TRPC4: variants seen among roughly 807,000 people sequenced by gnomAD.
The protein encoded by TRPC4 is transient receptor potential cation channel subfamily C member 4, also known as short transient receptor potential channel 4.
Under a neutral mutation model 99.4 loss-of-function variants are expected in TRPC4, and 49 were observed. The observed-to-expected ratio is 0.49, with a 90% confidence interval of 0.39 to 0.63. The LOEUF (loss-of-function observed/expected upper bound fraction) is 0.63. TRPC4 is among the 20% of genes least tolerant of loss of function. The pLI is 0.00. For missense variants in TRPC4, 898 were observed against 1,152.9 expected (o/e 0.78, Z 3.20); for synonymous variants, 454 against 425.9 (o/e 1.07, Z -0.81).
chr13:37,743,706 CT>C lies in TRPC4; in HGVS notation c.897+2230del, dbSNP rs1955659971. ...ATGCATGACCAAAGTGTATTAATTA[CT>C]TTGCAGGTAAAAATATAAATATAAA... On this transcript the variant is annotated intron_variant, in intron 3 of 10. Transcript: ENST00000379705. Among the ~76,000 whole-genome samples the C allele has an allele frequency of 5.3e-5, 8 of 152,222 alleles. No homozygotes were observed. The South Asian group carries it at 1.4e-3, about 28-fold the overall frequency.
At chr13:37,664,577 A>G (rs555479457) in intron 5 of TRPC4, among the ~76,000 whole-genome samples, 2 of 108,464 alleles carry the variant, frequency 1.8e-5, no homozygotes, top group South Asian at 6.1e-4. Flanking sequence ...TCCATCTCAA[A>G]AGAAAAAAAA....
chr13:37,696,903 A>G (rs1208159000), intron 3 of TRPC4, among the ~76,000 whole-genome samples: 1 of 150,016 alleles, frequency 6.7e-6, no homozygotes, highest in Non-Finnish European at 1.5e-5. Flanking sequence ...AACTTTTTCC[A>G]TAGCTGAAAC....
chr13:37,741,052 G>A (rs1449152184), intron 3 of TRPC4, among the ~76,000 whole-genome samples: 2 of 152,116 alleles, frequency 1.3e-5, no homozygotes, highest in African/African-American at 2.4e-5. Flanking sequence ...TAAATATATT[G>A]AAAAGCTATA....
At chr13:37,842,030 G>C (rs936465714) in intron 1 of TRPC4, among the ~76,000 whole-genome samples, 6 of 152,020 alleles carry the variant, frequency 3.9e-5, no homozygotes, top group African/African-American at 1.4e-4. Context: ...AGCACTTTGG[G>C]AGGCCAAGGT....
intron 1 of TRPC4, among the ~76,000 whole-genome samples, chr13:37,840,975 A>C (rs817615): frequency 0.99 from 150,359 of 152,140 alleles, 74,322 homozygotes; most frequent in Middle Eastern, 1. Flanking sequence ...CACTTTGAAT[A>C]TAGAATTCAA....
chr13:37,632,286 A>G lies in TRPC4; in HGVS notation c.*4617T>C, dbSNP rs1364124935. On this transcript the variant is annotated 3_prime_UTR_variant, in exon 11 of 11. Transcript: ENST00000379705. ...TCTAGTAGCCACATTGTAAAAGGAAAAAGAAACATCAAACTCATTTACTTA... is the reference window on the plus strand; with the variant it reads ...TCTAGTAGCCACATTGTAAAAGGAAGAAGAAACATCAAACTCATTTACTTA... Among the ~76,000 whole-genome samples the G allele has an allele frequency of 6.6e-6, 1 of 152,236 alleles. No individual in the cohort carries two copies. The highest frequency in any genetic ancestry group is 2.4e-5 in the African/African-American group (1 of 41,462).
At chr13:37,703,998 A>G (rs944928170) in intron 3 of TRPC4, among the ~76,000 whole-genome samples, 2 of 152,224 alleles carry the variant, frequency 1.3e-5, no homozygotes, top group Non-Finnish European at 2.9e-5. Flanking sequence ...AAAATATGGT[A>G]TATTCATATA....
chr13:37,653,668 A>G (rs994372429), intron 7 of TRPC4, among the ~76,000 whole-genome samples: 17 of 152,258 alleles, frequency 1.1e-4, no homozygotes, highest in African/African-American at 3.6e-4. Context: ...TATCTCTGTA[A>G]TGAAGTTACC....
At chr13:37,638,338 A>G (rs1395784471) in intron 10 of TRPC4, among the ~76,000 whole-genome samples, 1 of 152,110 alleles carries the variant, frequency 6.6e-6, no homozygotes, top group Admixed American at 6.6e-5. Flanking sequence ...CTAGTTTTCC[A>G]CCTGCACTTT....
At chr13:37,827,381 G>T (rs1958261043) in intron 1 of TRPC4, among the ~76,000 whole-genome samples, 1 of 152,164 alleles carries the variant, frequency 6.6e-6, no homozygotes, top group Admixed American at 6.5e-5. Context: ...TTTCTGCTCT[G>T]TTTTTTCCCT....
At chr13:37,680,414 C>T (rs1039822566) in intron 4 of TRPC4, among the ~76,000 whole-genome samples, 1 of 152,196 alleles carries the variant, frequency 6.6e-6, no homozygotes, top group African/African-American at 2.4e-5. Flanking sequence ...CTTAGCCTCT[C>T]TAGGTTTCCG....
intron 2 of TRPC4, among the ~76,000 whole-genome samples, chr13:37,760,526 A>T (rs1956195628): frequency 6.6e-6 from 1 of 151,942 alleles, no homozygotes; most frequent in Admixed American, 6.6e-5. Context: ...AGTAAGGAGG[A>T]TGAGTGCATA....
intron 6 of TRPC4, among the ~76,000 whole-genome samples, chr13:37,658,035 A>G (rs1228398939): frequency 6.6e-6 from 1 of 152,184 alleles, no homozygotes; most frequent in Non-Finnish European, 1.5e-5. Flanking sequence ...AGTCTAAGTT[A>G]ACATTTCAAA....
At chr13:37,851,414 A>C (rs1030946526) in intron 1 of TRPC4, among the ~76,000 whole-genome samples, 6 of 152,250 alleles carry the variant, frequency 3.9e-5, no homozygotes, top group Admixed American at 3.9e-4. Flanking sequence ...TATCAGCCTC[A>C]GACTTTCTAC....
chr13:37,639,439 A>C, intron 8 of TRPC4, 140 bp from the exon 9 acceptor site: 1 of 765,092 alleles, frequency 1.3e-6, no homozygotes, highest in East Asian at 2.7e-5. Context: ...CAATGGCTAA[A>C]GAGTGCTGCA....
At chr13:37,751,473 C>A (rs967342762) in intron 2 of TRPC4, among the ~76,000 whole-genome samples, 1 of 151,960 alleles carries the variant, frequency 6.6e-6, no homozygotes, top group African/African-American at 2.4e-5. Context: ...AGAATAGAAG[C>A]TTTAATAAAG....
intron 4 of TRPC4, among the ~76,000 whole-genome samples, chr13:37,681,666 G>T (rs927938723): frequency 3.3e-5 from 5 of 152,172 alleles, no homozygotes; most frequent in Non-Finnish European, 7.3e-5. Context: ...AACGAATTCA[G>T]CTAGTAAATT....
intron 1 of TRPC4, among the ~76,000 whole-genome samples, chr13:37,796,963 A>AAAGTAAAG (rs1299554943): frequency 8.8e-6 from 1 of 113,838 alleles, no homozygotes; most frequent in African/African-American, 4.2e-5. Context: ...ATAAAATAAA[A>AAAGTAAAG]TAAAATAAAG....
chr13:37,834,847 G>A (rs1341973643), intron 1 of TRPC4, among the ~76,000 whole-genome samples: 1 of 152,136 alleles, frequency 6.6e-6, no homozygotes, highest in African/African-American at 2.4e-5. Flanking sequence ...TGAGTCTCCT[G>A]CCTCAGCCTC....
Sources: allele counts gnomAD v4.1 joint callset (sites outside exome capture counted in the v4.1 genomes callset), GRCh38; gene constraint gnomAD v4.1.1; transcripts MANE v1.5; gene names NCBI Gene and HGNC (gene_info 2026-07-23, HGNC 2026-07-21).